Variants in AJAP1 observed in about 807,000 individuals in gnomAD.
AJAP1 encodes adherens junctions associated protein 1.
In AJAP1, 5 loss-of-function variants were observed where a neutral mutation model predicts 35.0. The ratio of observed to expected loss-of-function variants is 0.14; its 90% CI spans 0.07 to 0.30. The LOEUF (loss-of-function observed/expected upper bound fraction) is 0.30, where lower values mean the gene tolerates loss of function less well. Among genes scored for constraint, AJAP1 ranks in the 10% least tolerant of loss-of-function variants. The probability of loss-of-function intolerance (pLI) is 1.00; values close to 1 mark genes in which losing one functional copy is unlikely to be tolerated. For missense variants in AJAP1, 586 were observed against 571.0 expected (o/e 1.03, Z -0.27); for synonymous variants, 284 against 249.3 (o/e 1.14, Z -1.31).
chr1:4,733,825 C>T (rs1330624234), intron 2 of AJAP1, among the ~76,000 whole-genome samples: 1 of 152,110 alleles, frequency 6.6e-6, no homozygotes, highest in African/African-American at 2.4e-5. Context: ...GCATTGTGAG[C>T]TGCCCACACG....
chr1:4,694,337 C>T (rs1336583869), intron 1 of AJAP1, among the ~76,000 whole-genome samples: 1 of 152,194 alleles, frequency 6.6e-6, no homozygotes, highest in African/African-American at 2.4e-5. Context: ...GCTCCTGAGC[C>T]CTGCACAGCA....
rs552770644 is a variant in AJAP1 at position 4,774,506 on chromosome 1, G to A, written c.*7G>A. 2.9e-5 allele frequency: 46 copies of A among 1,613,728 alleles called. No homozygotes were observed. In the East Asian group the frequency reaches 3.8e-4, roughly 13 times the overall value. On this transcript the variant is annotated 3_prime_UTR_variant, in exon 5 of 6. Transcript: ENST00000378191. Reference sequence around the variant, plus strand: ...GTTTGAAATCTCCTGCTGACTGGCCGAAGTCTTTTTTACCTCCTGGGGGCA... The same window carrying A: ...GTTTGAAATCTCCTGCTGACTGGCCAAAGTCTTTTTTACCTCCTGGGGGCA...
chr1:4,772,189 C>T (rs1641849892), intron 3 of AJAP1, 91 bp from the exon 4 acceptor site: 1 of 1,544,298 alleles, frequency 6.5e-7, no homozygotes, highest in East Asian at 2.3e-5. Flanking sequence ...CTCACGCCTG[C>T]AAGCGAAAGA....
intron 1 of AJAP1, among the ~76,000 whole-genome samples, chr1:4,688,215 G>C (rs963220823): frequency 3.3e-5 from 5 of 152,164 alleles, no homozygotes; most frequent in African/African-American, 1.2e-4. Flanking sequence ...TCGGAGGTTG[G>C]TGGCATGTTG....
chr1:4,753,580 T>G (rs1268662210), intron 2 of AJAP1, among the ~76,000 whole-genome samples: 4 of 152,198 alleles, frequency 2.6e-5, no homozygotes, highest in African/African-American at 9.7e-5. Context: ...GCTGTTTTTG[T>G]TTTTGTTTTG....
At chr1:4,709,923 G>GC (rs1640188212) in intron 1 of AJAP1, among the ~76,000 whole-genome samples, 1 of 152,086 alleles carries the variant, frequency 6.6e-6, no homozygotes, top group East Asian at 1.9e-4. Context: ...TGACTGGGGG[G>GC]CCATCTGTTC....
At chr1:4,671,256 C>T (rs1338518118) in intron 1 of AJAP1, among the ~76,000 whole-genome samples, 1 of 151,970 alleles carries the variant, frequency 6.6e-6, no homozygotes, top group Admixed American at 6.6e-5. Context: ...GCAATCCCAG[C>T]TACTAGGGAG....
chr1:4,766,070 T>C (rs1470841645), intron 2 of AJAP1, among the ~76,000 whole-genome samples: 1 of 152,242 alleles, frequency 6.6e-6, no homozygotes, highest in Non-Finnish European at 1.5e-5. Context: ...ATTTAATCTA[T>C]AAGCAGAGCC....
intron 2 of AJAP1, among the ~76,000 whole-genome samples, chr1:4,754,856 C>CAA (rs1641392776): frequency 7.1e-6 from 1 of 141,498 alleles, no homozygotes; most frequent in Non-Finnish European, 1.6e-5. Context: ...TCCTGCTCTC[C>CAA]CCTCATCTCA....
intron 2 of AJAP1, among the ~76,000 whole-genome samples, chr1:4,715,754 A>G (rs1362231772): frequency 2.6e-5 from 4 of 152,258 alleles, no homozygotes; most frequent in Admixed American, 2.6e-4. Flanking sequence ...TGAGCATAAA[A>G]TAAGGCACCT....
chr1:4,721,931 C>T (rs951558012), intron 2 of AJAP1, among the ~76,000 whole-genome samples: 9 of 152,160 alleles, frequency 5.9e-5, no homozygotes, highest in Admixed American at 3.9e-4. Context: ...TACATTTAAG[C>T]GCCCCAGCCC....
rs1425032027 is a variant in AJAP1 at position 4,783,498 on chromosome 1, T to C, written c.*1013T>C. ...ATATATATATATATATATATATATA[T>C]ATATATATATATGTTTGTGTGTGTA... is the stretch of plus-strand genomic sequence containing the variant. On this transcript the variant is annotated 3_prime_UTR_variant, in exon 6 of 6. Coordinates refer to ENST00000378191, the MANE Select transcript of AJAP1 (RefSeq NM_018836.4). 1 of 137,058 alleles carries C rather than the reference T, an allele frequency of 7.3e-6. No individual in the cohort carries two copies. The highest frequency in any genetic ancestry group is 7.3e-5 in the Admixed American group (1 of 13,726). 8.5% of individuals were successfully genotyped at this position (137,058 alleles called of 1,614,324 possible).
At chr1:4,697,783 G>T (rs1639900266) in intron 1 of AJAP1, among the ~76,000 whole-genome samples, 1 of 152,250 alleles carries the variant, frequency 6.6e-6, no homozygotes, top group Non-Finnish European at 1.5e-5. Flanking sequence ...GCTGAGCCGT[G>T]GCACAGCCAC....
chr1:4,777,134 A>G (rs979055549), intron 5 of AJAP1, among the ~76,000 whole-genome samples: 1 of 152,224 alleles, frequency 6.6e-6, no homozygotes, highest in East Asian at 1.9e-4. Context: ...ATGCCTGGAC[A>G]TGAGCGTCGG....
chr1:4,712,280 C>T lies in AJAP1; in HGVS notation c.410C>T (p.Ser137Leu), dbSNP rs747916427. 5 of 1,511,304 alleles carry T rather than the reference C, an allele frequency of 3.3e-6. No homozygotes were observed. The highest frequency in any genetic ancestry group is 1.4e-5 in the African/African-American group (1 of 71,842). 93.6% of individuals were successfully genotyped at this position (1,511,304 alleles called of 1,614,324 possible). A position where few individuals can be genotyped will look rare whatever the true frequency, so the allele number is the denominator to read the frequency against. ...SPSLASSSSSSSSAVAGGAPE... is the reference protein window; with the variant it reads ...SPSLASSSSSLSSAVAGGAPE... Reference sequence around the variant, plus strand: ...TCCCTCGCCTCTTCGTCCTCGTCCTCGTCCTCCGCGGTGGCCGGTGGGGCC... The same window carrying T: ...TCCCTCGCCTCTTCGTCCTCGTCCTTGTCCTCCGCGGTGGCCGGTGGGGCC... Residue 137 changes from serine to leucine, a missense_variant, in exon 2 of 6, where the codon TCG becomes TTG. Physicochemically the swap from Ser to Leu is moderately radical, Grantham distance 145. Transcript: ENST00000378191.
chr1:4,743,019 TC>T (rs1641104361), intron 2 of AJAP1, among the ~76,000 whole-genome samples: 1 of 152,126 alleles, frequency 6.6e-6, no homozygotes, highest in African/African-American at 2.4e-5. Context: ...ACCCCTCAGG[TC>T]CCCTGTCCCC....
intron 1 of AJAP1, among the ~76,000 whole-genome samples, chr1:4,667,018 G>A (rs1268262151): frequency 1.3e-5 from 2 of 152,106 alleles, no homozygotes; most frequent in Non-Finnish European, 2.9e-5. Flanking sequence ...CGTGAATCAT[G>A]GGAGCTGCGT....
At chr1:4,714,352 C>A (rs1640340116) in intron 2 of AJAP1, among the ~76,000 whole-genome samples, 1 of 152,190 alleles carries the variant, frequency 6.6e-6, no homozygotes, top group South Asian at 2.1e-4. Flanking sequence ...CAGGCGCCTG[C>A]TAGCAGTTTA....
rs1410278360 is a variant in AJAP1, at chr1:4,787,210, T to C, written c.*4725T>C. 1.3e-5 allele frequency: 2 copies of C among 158,368 alleles called. No individual in the cohort carries two copies. The highest frequency in any genetic ancestry group is 4.8e-5 in the African/African-American group (2 of 41,534). The allele number at this position is 158,368 out of a possible 1,614,324, so 9.8% of individuals were successfully genotyped here. A position where few individuals can be genotyped will look rare whatever the true frequency, so the allele number is the denominator to read the frequency against. On this transcript the variant is annotated 3_prime_UTR_variant, in exon 6 of 6. Transcript: ENST00000378191. ...TGGGCACAGTTATGGCCTTGTGGGC[T>C]TTATATTCTACAGTGGGAGGAGGTG...
Sources: allele counts gnomAD v4.1 joint callset (sites outside exome capture counted in the v4.1 genomes callset), GRCh38; gene constraint gnomAD v4.1.1; transcripts MANE v1.5; gene names NCBI Gene and HGNC (gene_info 2026-07-23, HGNC 2026-07-21).